The following SNCAIP variants were observed in gnomAD, a reference collection of about 807,000 sequenced individuals.
SNCAIP encodes synphilin-1.
Under a neutral mutation model 86.7 loss-of-function variants are expected in SNCAIP, and 43 were observed. That is an observed-to-expected ratio of 0.50 (90% confidence interval 0.39 to 0.64). The LOEUF is 0.64. Among genes scored for constraint, SNCAIP ranks in the 30% least tolerant of loss-of-function variants. SNCAIP has a pLI of 0.00. For synonymous variants in SNCAIP, 417 were observed against 427.2 expected (o/e 0.98, Z 0.29); for missense variants, 981 against 1,103.1 (o/e 0.89, Z 1.57).
At chr5:122,326,606 CTTTTTTTTTTTTTTTT>C (rs11297385) in intron 1 of SNCAIP, among the ~76,000 whole-genome samples, 22 of 42,130 alleles carry the variant, frequency 5.2e-4, no homozygotes, top group Middle Eastern at 0.036. Flanking sequence ...GAAATGTCTC[CTTTTTTTTTTTTTTTT>C]TTTTTTTTTT....
At chr5:122,387,553 C>G (rs1332190785) in intron 1 of SNCAIP, among the ~76,000 whole-genome samples, 1 of 152,196 alleles carries the variant, frequency 6.6e-6, no homozygotes, top group Non-Finnish European at 1.5e-5. Context: ...TAGGTTGGCT[C>G]TCTTGCCTCC....
intron 1 of SNCAIP, among the ~76,000 whole-genome samples, chr5:122,359,505 G>A (rs1484671001): frequency 3.3e-5 from 5 of 151,492 alleles, no homozygotes; most frequent in Admixed American, 2.6e-4. Context: ...CTGGGACTAC[G>A]GGCACGTGCC....
At chr5:122,369,497 CTT>C (rs1449689610) in intron 1 of SNCAIP, among the ~76,000 whole-genome samples, 1 of 152,208 alleles carries the variant, frequency 6.6e-6, no homozygotes, top group African/African-American at 2.4e-5. Context: ...TTCTAAATAA[CTT>C]TTAGCAGTCT....
At chr5:122,365,871 T>C (rs551424885) in intron 1 of SNCAIP, among the ~76,000 whole-genome samples, 1 of 152,196 alleles carries the variant, frequency 6.6e-6, no homozygotes, top group African/African-American at 2.4e-5. Flanking sequence ...TAGGAAGTCA[T>C]GGTAAGTATG....
At chr5:122,315,868 G>T (rs1237147789) in intron 1 of SNCAIP, among the ~76,000 whole-genome samples, 1 of 152,298 alleles carries the variant, frequency 6.6e-6, no homozygotes, top group African/African-American at 2.4e-5. Context: ...TTGGAAAGGG[G>T]TCGATCTGGG....
rs968696544 is a variant in SNCAIP at position 122,397,178 on chromosome 5, A to G, written c.57+5987A>G. ...CTAGAAAATGGTGAAGTCAGGATATAATGCAGGTAGTCTGACTCTAGAATC... is the reference window on the plus strand; with the variant it reads ...CTAGAAAATGGTGAAGTCAGGATATGATGCAGGTAGTCTGACTCTAGAATC... On this transcript the variant is annotated intron_variant, in intron 2 of 10. Transcript: ENST00000261368. Among the ~76,000 whole-genome samples, 3 of 152,138 alleles carry G rather than the reference A, an allele frequency of 2.0e-5. No individual in the cohort carries two copies. In the South Asian group the frequency reaches 6.2e-4, roughly 31 times the overall value.
At chr5:122,443,449 A>G in intron 7 of SNCAIP, 1 of 319,318 alleles carries the variant, frequency 3.1e-6, no homozygotes, top group Non-Finnish European at 6.3e-6. Context: ...TCTCTCCACA[A>G]CTAATGATAC....
chr5:122,369,464 A>G (rs909196241), intron 1 of SNCAIP, among the ~76,000 whole-genome samples: 1 of 152,244 alleles, frequency 6.6e-6, no homozygotes, highest in Non-Finnish European at 1.5e-5. Context: ...ACCACTTTAC[A>G]TAGGATTGCA....
chr5:122,412,754 A>G (rs944000273), intron 3 of SNCAIP, among the ~76,000 whole-genome samples: 1 of 152,090 alleles, frequency 6.6e-6, no homozygotes, highest in African/African-American at 2.4e-5. Flanking sequence ...TGGAATTCTA[A>G]AGAGAAATTC....
chr5:122,377,582 A>T (rs1765629567), intron 1 of SNCAIP, among the ~76,000 whole-genome samples: 2 of 152,004 alleles, frequency 1.3e-5, no homozygotes, highest in East Asian at 1.9e-4. Context: ...GTACATGTGC[A>T]CATTGTGCAG....
intron 1 of SNCAIP, among the ~76,000 whole-genome samples, chr5:122,375,114 A>T (rs1765031606): frequency 6.6e-6 from 1 of 152,146 alleles, no homozygotes; most frequent in African/African-American, 2.4e-5. Context: ...GGTTGTTCAG[A>T]CATTTAACTC....
chr5:122,344,857 C>T lies in SNCAIP; in HGVS notation c.-47+32573C>T, dbSNP rs780612878. ...TTAACCAGTTACATGTATTTAAGTG[C>T]CATTATCCTCAATAATTTGAACTGA... On this transcript the variant is annotated intron_variant, in intron 1 of 10. Coordinates refer to ENST00000261368, the MANE Select transcript of SNCAIP (RefSeq NM_005460.4). Among the ~76,000 whole-genome samples, 131 of 152,196 alleles carry T rather than the reference C, an allele frequency of 8.6e-4. 1 individual carries two copies. Among genetic ancestry groups the T allele is most frequent in the Non-Finnish European group, 1.5e-3 (101 of 68,000 alleles).
At chr5:122,435,734 A>G (rs757050065) in intron 6 of SNCAIP, among the ~76,000 whole-genome samples, 2 of 152,160 alleles carry the variant, frequency 1.3e-5, no homozygotes, top group East Asian at 3.8e-4. Context: ...AGTGGTAGAC[A>G]TGCTGGTGAG....
intron 2 of SNCAIP, among the ~76,000 whole-genome samples, chr5:122,396,338 A>G (rs151251859): frequency 3.3e-4 from 50 of 152,222 alleles, no homozygotes; most frequent in African/African-American, 1.2e-3. Context: ...AGGTTCCCAA[A>G]CTCCAAATCT....
intron 4 of SNCAIP, among the ~76,000 whole-genome samples, chr5:122,425,023 T>C (rs1002294681): frequency 6.6e-6 from 1 of 152,192 alleles, no homozygotes; most frequent in Non-Finnish European, 1.5e-5. Flanking sequence ...CCTCAAGGAC[T>C]TCACAATCAA....
At chr5:122,375,655 A>T (rs1765158762) in intron 1 of SNCAIP, among the ~76,000 whole-genome samples, 1 of 152,088 alleles carries the variant, frequency 6.6e-6, no homozygotes, top group Non-Finnish European at 1.5e-5. Flanking sequence ...AGTGCTATAG[A>T]GAAAGGAAAT....
chr5:122,367,910 G>A (rs1763504547), intron 1 of SNCAIP, among the ~76,000 whole-genome samples: 1 of 151,968 alleles, frequency 6.6e-6, no homozygotes, highest in Admixed American at 6.6e-5. Context: ...ATAAATATAA[G>A]TGTATACATA....
chr5:122,376,361 A>T (rs1355457573), intron 1 of SNCAIP, among the ~76,000 whole-genome samples: 4 of 152,138 alleles, frequency 2.6e-5, no homozygotes. Flanking sequence ...ATAAAGCATA[A>T]CCATTTCAGG....
chr5:122,408,919 G>T (rs1045150119), intron 3 of SNCAIP, among the ~76,000 whole-genome samples: 1 of 152,210 alleles, frequency 6.6e-6, no homozygotes. Flanking sequence ...CTCACAGAGG[G>T]TAAATAATGT....
Sources: gnomAD v4.1 joint callset for allele counts (sites outside exome capture counted in the v4.1 genomes callset) on GRCh38, gnomAD v4.1.1 for gene constraint, MANE v1.5 for transcripts, NCBI Gene and HGNC (gene_info 2026-07-23, HGNC 2026-07-21) for gene names.